The following XKR9 variants were observed in gnomAD, a reference collection of about 807,000 sequenced individuals.
XKR9 encodes the protein XK-related protein 9.
XKR9 carries 32 observed loss-of-function variants against 32.0 expected under a neutral mutation model. That is an observed-to-expected ratio of 1.00 (90% confidence interval 0.76 to 1.34). The LOEUF (loss-of-function observed/expected upper bound fraction) is 1.34. Among genes scored for constraint, XKR9 ranks in the 40% most tolerant of loss-of-function variants. XKR9 has a pLI of 0.00. For missense variants in XKR9, 546 were observed against 429.7 expected, an observed-to-expected ratio of 1.27 and a Z score of -2.39; for synonymous variants, 168 against 143.4, an observed-to-expected ratio of 1.17 and a Z score of -1.22.
chr8:70,959,778 ATTTGTACTT>A, the XKR9 span, among the ~76,000 whole-genome samples: 1 of 152,062 alleles, frequency 6.6e-6, no homozygotes, highest in African/African-American at 2.4e-5. Context: ...TATATTTGGT[ATTTGTACTT>A]TTTTTCCACT....
chr8:70,928,501 G>A, the XKR9 span, among the ~76,000 whole-genome samples: 1 of 151,972 alleles, frequency 6.6e-6, no homozygotes, highest in Non-Finnish European at 1.5e-5. Context: ...AATGAAATAT[G>A]TGCAAATGAC....
At chr8:70,893,024 TG>T in the XKR9 span, among the ~76,000 whole-genome samples, 7 of 152,190 alleles carry the variant, frequency 4.6e-5, no homozygotes, top group South Asian at 1.0e-3. Flanking sequence ...ATTTTCTTCA[TG>T]TTTTTTTCAT....
chr8:70,674,135 C>T (rs1818810963), intron 1 of XKR9, among the ~76,000 whole-genome samples: 1 of 152,056 alleles, frequency 6.6e-6, no homozygotes, highest in Non-Finnish European at 1.5e-5. Context: ...TGCCACTGCA[C>T]TCCAGCCTGA....
At chr8:71,027,220 G>T in the XKR9 span, among the ~76,000 whole-genome samples, 34 of 151,762 alleles carry the variant, frequency 2.2e-4, 1 homozygote, top group African/African-American at 8.2e-4. Context: ...ATCAAAGAGA[G>T]TCCATTTTAT....
At chr8:70,765,788 T>TGTAAGGAA (rs752955125) in intron 2 of XKR9, among the ~76,000 whole-genome samples, 1 of 152,206 alleles carries the variant, frequency 6.6e-6, no homozygotes, top group Non-Finnish European at 1.5e-5. Context: ...TTGCATAAGG[T>TGTAAGGAA]GTAAGGAAGG....
At chr8:70,867,887 T>C in the XKR9 span, among the ~76,000 whole-genome samples, 2 of 152,034 alleles carry the variant, frequency 1.3e-5, no homozygotes, top group African/African-American at 4.8e-5. Flanking sequence ...CTAGATACAA[T>C]GGGGGTATAG....
At chr8:70,878,182 T>A in the XKR9 span, among the ~76,000 whole-genome samples, 3 of 152,106 alleles carry the variant, frequency 2.0e-5, no homozygotes, top group Non-Finnish European at 4.4e-5. Flanking sequence ...AAACAACCAG[T>A]ACCAGCTGCT....
chr8:71,059,366 A>T, the XKR9 span, among the ~76,000 whole-genome samples: 1 of 152,218 alleles, frequency 6.6e-6, no homozygotes, highest in African/African-American at 2.4e-5. Context: ...TGTAAAGAAG[A>T]TGAGCTACCT....
the XKR9 span, among the ~76,000 whole-genome samples, chr8:70,835,896 A>G: frequency 6.6e-6 from 1 of 152,000 alleles, no homozygotes; most frequent in Non-Finnish European, 1.5e-5. Flanking sequence ...TAATATTTTC[A>G]TTTATTTTGT....
At chr8:70,988,539 T>G in the XKR9 span, among the ~76,000 whole-genome samples, 48,465 of 152,042 alleles carry the variant, frequency 0.32, 9,054 homozygotes, top group Non-Finnish European at 0.43. Context: ...ATTGCCACGA[T>G]ACATGCCACA....
rs186863911 is a variant in XKR9 at position 70,730,439 on chromosome 8, C to G, written c.494-3357C>G. 1.1e-3 allele frequency among the ~76,000 whole-genome samples: 167 copies of G among 152,148 alleles called. 1 individual carries two copies. The highest frequency in any genetic ancestry group is 3.8e-3 in the African/African-American group (157 of 41,514). ...AAAAATTCTTTTAAATTTCTTATTA[C>G]CAGACTCTAGCCAGAACTGCCAATA... On this transcript the variant is annotated intron_variant, in intron 4 of 4. Transcript: ENST00000408926.
chr8:70,861,988 ATTGT>A, the XKR9 span, among the ~76,000 whole-genome samples: 2 of 151,976 alleles, frequency 1.3e-5, no homozygotes, highest in Non-Finnish European at 2.9e-5. Context: ...TACTGTGTTG[ATTGT>A]TTGTGGTGTG....
the XKR9 span, among the ~76,000 whole-genome samples, chr8:71,048,718 C>A: frequency 2.0e-5 from 3 of 152,120 alleles, no homozygotes; most frequent in Admixed American, 6.5e-5. Context: ...ACATTCTAAG[C>A]ATTGAGAGAA....
chr8:70,784,682 C>G (rs767920941), intron 2 of XKR9, among the ~76,000 whole-genome samples: 2 of 151,752 alleles, frequency 1.3e-5, no homozygotes, highest in Non-Finnish European at 2.9e-5. Flanking sequence ...ATTTGGATGC[C>G]TTTTATTTCT....
the XKR9 span, among the ~76,000 whole-genome samples, chr8:70,998,432 G>T: frequency 6.6e-6 from 1 of 152,110 alleles, no homozygotes; most frequent in Non-Finnish European, 1.5e-5. Context: ...TGTACTGATG[G>T]TTTGCCGCTC....
At chr8:71,038,237 TTTTC>T in the XKR9 span, among the ~76,000 whole-genome samples, 20 of 151,946 alleles carry the variant, frequency 1.3e-4, no homozygotes, top group African/African-American at 4.3e-4. Flanking sequence ...TTCTTTCTCT[TTTTC>T]TTTCTTTCTC....
chr8:70,889,083 T>C, the XKR9 span, among the ~76,000 whole-genome samples: 2 of 151,968 alleles, frequency 1.3e-5, no homozygotes, highest in Non-Finnish European at 2.9e-5. Flanking sequence ...AATTTATAAA[T>C]ATTGGATTTC....
the XKR9 span, among the ~76,000 whole-genome samples, chr8:71,057,802 C>G: frequency 3.7e-5 from 5 of 133,430 alleles, no homozygotes; most frequent in South Asian, 8.9e-4. Context: ...ATTTAGATTC[C>G]CACATAACAT....
the XKR9 span, among the ~76,000 whole-genome samples, chr8:70,899,139 T>A: frequency 2.0e-5 from 3 of 152,092 alleles, no homozygotes; most frequent in Non-Finnish European, 2.9e-5. Flanking sequence ...CTATGTATCA[T>A]TTTTCTGTGG....
Sources: allele counts gnomAD v4.1 joint callset (sites outside exome capture counted in the v4.1 genomes callset), GRCh38; gene constraint gnomAD v4.1.1; transcripts MANE v1.5; gene names NCBI Gene and HGNC (gene_info 2026-07-23, HGNC 2026-07-21).